Variants in SHISA9 observed in about 807,000 individuals in gnomAD.
SHISA9 encodes the protein protein shisa-9.
Under a neutral mutation model 38.0 loss-of-function variants are expected in SHISA9, and 13 were observed. The observed-to-expected ratio is 0.34, with a 90% CI of 0.22 to 0.54. SHISA9 has a LOEUF of 0.54. Ranked by LOEUF, SHISA9 falls within the 20% of genes least tolerant of loss-of-function variation. The pLI is 0.91. For synonymous variants in SHISA9, 275 were observed against 242.0 expected (o/e 1.14, Z -1.27); for missense variants, 538 against 575.8 (o/e 0.93, Z 0.67).
intron 3 of SHISA9, among the ~76,000 whole-genome samples, chr16:13,210,905 G>A (rs1023835834): frequency 4.6e-5 from 7 of 152,210 alleles, no homozygotes; most frequent in African/African-American, 1.7e-4. Context: ...AGCATCTAAA[G>A]TATGTAACCA....
At chr16:13,242,143 T>C (rs1278971438), downstream of SHISA9, among the ~76,000 whole-genome samples, 1 of 152,232 alleles carries the variant, frequency 6.6e-6, no homozygotes, top group Non-Finnish European at 1.5e-5. Flanking sequence ...CAGAGATTTG[T>C]CTAAAATTTG....
chr16:13,384,864 C>T, the SHISA9 span, among the ~76,000 whole-genome samples: 2 of 151,988 alleles, frequency 1.3e-5, no homozygotes, highest in South Asian at 4.1e-4. Flanking sequence ...TGTGAAGGAC[C>T]CCATTAAGAG....
intron 2 of SHISA9, among the ~76,000 whole-genome samples, chr16:13,062,030 C>T (rs2073382497): frequency 6.6e-6 from 1 of 152,118 alleles, no homozygotes; most frequent in Admixed American, 6.5e-5. Flanking sequence ...GCGAAGTGCC[C>T]AGTCAAGTTC....
At chr16:13,327,861 G>C in the SHISA9 span, among the ~76,000 whole-genome samples, 1 of 151,982 alleles carries the variant, frequency 6.6e-6, no homozygotes, top group East Asian at 2.0e-4. Context: ...GTTTCTCCAT[G>C]TTGGCCAGGC....
At chr16:13,438,471 T>C in the SHISA9 span, among the ~76,000 whole-genome samples, 3 of 152,138 alleles carry the variant, frequency 2.0e-5, no homozygotes, top group Non-Finnish European at 1.5e-5. Context: ...TTTGAACAAA[T>C]CTTAAATAAT....
chr16:13,260,088 C>G, the SHISA9 span, among the ~76,000 whole-genome samples: 2 of 128,032 alleles, frequency 1.6e-5, no homozygotes, highest in Non-Finnish European at 3.1e-5. Context: ...GTGATCTCGG[C>G]TCACTGCAAG....
At chr16:12,972,212 C>T (rs1326155492) in intron 2 of SHISA9, among the ~76,000 whole-genome samples, 1 of 152,002 alleles carries the variant, frequency 6.6e-6, no homozygotes, top group East Asian at 1.9e-4. Context: ...CATATATTAG[C>T]AAGAGTGATC....
chr16:12,998,254 A>G (rs1031914753), intron 2 of SHISA9, among the ~76,000 whole-genome samples: 1 of 152,230 alleles, frequency 6.6e-6, no homozygotes, highest in African/African-American at 2.4e-5. Flanking sequence ...TGCATTAGTT[A>G]AGGTAGGCTG....
At chr16:12,942,577 T>C (rs868211409) in intron 2 of SHISA9, among the ~76,000 whole-genome samples, 5 of 152,350 alleles carry the variant, frequency 3.3e-5, no homozygotes, top group Admixed American at 6.5e-5. Flanking sequence ...AGTAGTTCCT[T>C]GTATAATGCC....
At chr16:12,911,106 G>A (rs1409299386) in intron 1 of SHISA9, 1 of 258,784 alleles carries the variant, frequency 3.9e-6, no homozygotes, top group Non-Finnish European at 6.0e-6. Flanking sequence ...AACCATCACA[G>A]TACGCTTAGG....
the SHISA9 span, among the ~76,000 whole-genome samples, chr16:13,353,232 A>G: frequency 6.6e-6 from 1 of 152,148 alleles, no homozygotes; most frequent in Non-Finnish European, 1.5e-5. Context: ...TAGAAGAAAC[A>G]GTTGTTGTAT....
chr16:13,460,124 A>T, the SHISA9 span, among the ~76,000 whole-genome samples: 2 of 152,130 alleles, frequency 1.3e-5, no homozygotes, highest in African/African-American at 2.4e-5. Flanking sequence ...TATTCAATGG[A>T]CAGTGATTGA....
At chr16:12,947,879 C>T (rs865959093) in intron 2 of SHISA9, among the ~76,000 whole-genome samples, 8 of 152,192 alleles carry the variant, frequency 5.3e-5, no homozygotes, top group African/African-American at 1.7e-4. Flanking sequence ...CGTTCCTTGA[C>T]TCAAAATTGC....
At chr16:13,455,560 G>A in the SHISA9 span, among the ~76,000 whole-genome samples, 1 of 152,310 alleles carries the variant, frequency 6.6e-6, no homozygotes, top group Admixed American at 6.5e-5. Context: ...CATTTGCCTG[G>A]CCCCGGCTGA....
chr16:13,551,746 A>T, the SHISA9 span, among the ~76,000 whole-genome samples: 1 of 152,168 alleles, frequency 6.6e-6, no homozygotes, highest in South Asian at 2.1e-4. Context: ...TACAATTGGT[A>T]GGCCGGGAGC....
chr16:13,282,701 C>G, the SHISA9 span, among the ~76,000 whole-genome samples: 2 of 151,808 alleles, frequency 1.3e-5, no homozygotes, highest in Non-Finnish European at 2.9e-5. Context: ...TTGTTTTGTT[C>G]TTTAGGTTGC....
intron 2 of SHISA9, among the ~76,000 whole-genome samples, chr16:13,058,811 C>T (rs970395939): frequency 2.0e-5 from 3 of 151,528 alleles, no homozygotes; most frequent in Non-Finnish European, 2.9e-5. Flanking sequence ...GGAGATGTCT[C>T]CCATAGCTAG....
At chr16:13,301,324 G>T in the SHISA9 span, among the ~76,000 whole-genome samples, 2 of 152,236 alleles carry the variant, frequency 1.3e-5, no homozygotes, top group East Asian at 3.8e-4. Context: ...ACCACTTGGA[G>T]AGTCTTGTTA....
At chr16:12,920,982 T>G (rs2071320779) in intron 2 of SHISA9, among the ~76,000 whole-genome samples, 1 of 152,220 alleles carries the variant, frequency 6.6e-6, no homozygotes, top group African/African-American at 2.4e-5. Context: ...AAGACTTTAC[T>G]GCCACAGTGT....
Sources: gnomAD v4.1 joint callset for allele counts (sites outside exome capture counted in the v4.1 genomes callset) on GRCh38, gnomAD v4.1.1 for gene constraint, MANE v1.5 for transcripts, NCBI Gene and HGNC (gene_info 2026-07-23, HGNC 2026-07-21) for gene names.